The following PCDHA8 variants were observed in gnomAD, a reference collection of about 807,000 sequenced individuals.
The protein encoded by PCDHA8 is protocadherin alpha-8.
A neutral mutation model predicts 61.8 loss-of-function variants in PCDHA8; 53 were observed. The observed-to-expected ratio is 0.86, with a 90% confidence interval of 0.69 to 1.08. The LOEUF is 1.08. Ranked by LOEUF, PCDHA8 falls within the 50% of genes least tolerant of loss-of-function variation. PCDHA8 has a pLI of 0.00. For missense variants in PCDHA8, 1,293 were observed against 1,245.0 expected, an observed-to-expected ratio of 1.04 and a Z score of -0.58; for synonymous variants, 618 against 556.6, an observed-to-expected ratio of 1.11 and a Z score of -1.55.
chr5:141,000,005 C>T (rs2097888446), intron 3 of PCDHA8, among the ~76,000 whole-genome samples: 1 of 152,024 alleles, frequency 6.6e-6, no homozygotes. Context: ...ATTAGATTGG[C>T]CTCCCCATTG....
intron 1 of PCDHA8, chr5:140,877,334 C>G (rs375199455): frequency 3.1e-6 from 5 of 1,613,884 alleles, no homozygotes; most frequent in African/African-American, 1.3e-5. Flanking sequence ...GCGCACATCC[C>G]GTTCCACGTG....
chr5:140,856,923 T>A (rs1178891192), intron 1 of PCDHA8: 1 of 1,595,300 alleles, frequency 6.3e-7, no homozygotes, highest in Non-Finnish European at 8.6e-7. Flanking sequence ...AGAAGGAAAT[T>A]TTGGATAAAC....
chr5:140,862,480 G>A (rs1293172271), intron 1 of PCDHA8: 1 of 381,094 alleles, frequency 2.6e-6, no homozygotes, highest in East Asian at 7.1e-5. Flanking sequence ...TCTATCCATT[G>A]TTGGTAATCG....
rs939986849 is a variant in PCDHA8, at chr5:140,871,330, G to T, written c.2394+27615G>T. 10 of 1,613,998 alleles carry T rather than the reference G, an allele frequency of 6.2e-6. No homozygotes were observed. Among genetic ancestry groups the T allele is most frequent in the Non-Finnish European group, 8.5e-6 (10 of 1,180,034 alleles). On this transcript the variant is annotated intron_variant, in intron 1 of 3. Transcript: ENST00000531613. The stretch of plus-strand genomic sequence containing the variant: ...GAAGCCCACGCTGGTGTGCTCCCGC[G>T]CGGTGGGGAGCTGGTCATACTCGCA...
At position 140,845,853 on chromosome 5, in the gene PCDHA8, A is replaced by G. The variant is rs2150381879; in HGVS notation, c.2394+2138A>G. 1.3e-5 allele frequency among the ~76,000 whole-genome samples: 2 copies of G among 149,864 alleles called. 1 individual carries two copies. Among genetic ancestry groups the G allele is most frequent in the Non-Finnish European group, 3.0e-5 (2 of 66,956 alleles). ...TACCATTCTTAAGAGAAAAGAAGTT[A>G]GTGATTGCAGAAAGGCAACCTAAAA... On this transcript the variant is annotated intron_variant, in intron 1 of 3. Coordinates refer to ENST00000531613, the MANE Select transcript of PCDHA8 (RefSeq NM_018911.3).
At chr5:140,863,013 C>A (rs1274171221) in intron 1 of PCDHA8, 1 of 552,838 alleles carries the variant, frequency 1.8e-6, no homozygotes, top group Admixed American at 1.9e-5. Flanking sequence ...AGCTATGACG[C>A]CTGGTTGTCG....
intron 1 of PCDHA8, among the ~76,000 whole-genome samples, chr5:140,961,103 A>G (rs531762252): frequency 6.6e-6 from 1 of 152,254 alleles, no homozygotes; most frequent in South Asian, 2.1e-4. Context: ...TTGGTCACCC[A>G]ACCCCCTTGC....
At position 140,842,566 on chromosome 5, in the gene PCDHA8, C is replaced by G. The variant is rs782225990; in HGVS notation, c.1245C>G (p.Arg415=). ...YSLVLDSALD[R]ERVSAYELVV... ...TGGTGCTGGACAGCGCCCTGGACCG[C>G]GAGAGAGTGTCGGCCTATGAGTTGG... is the stretch of plus-strand genomic sequence containing the variant. Residue 415 remains arginine, a synonymous_variant, in exon 1 of 4, where the codon CGC becomes CGG. Coordinates refer to ENST00000531613, the MANE Select transcript of PCDHA8 (RefSeq NM_018911.3). 19 of 1,503,446 alleles carry G rather than the reference C, an allele frequency of 1.3e-5. No homozygotes were observed. Among genetic ancestry groups the G allele is most frequent in the Non-Finnish European group, 1.4e-5 (15 of 1,107,054 alleles). The allele number at this position is 1,503,446 out of a possible 1,614,324, so 93.1% of individuals were successfully genotyped here.
At chr5:140,943,479 TAATA>T (rs1447671932) in intron 1 of PCDHA8, among the ~76,000 whole-genome samples, 1 of 151,960 alleles carries the variant, frequency 6.6e-6, no homozygotes, top group African/African-American at 2.4e-5. Context: ...TACAGTAAAA[TAATA>T]AATAGATGCT....
chr5:140,876,250 A>C (rs782111802), intron 1 of PCDHA8: 1 of 1,614,046 alleles, frequency 6.2e-7, no homozygotes. Context: ...AAACGACACA[A>C]GAGTGATCCA....
At chr5:140,973,728 C>G (rs1193811831) in intron 1 of PCDHA8, among the ~76,000 whole-genome samples, 1 of 152,232 alleles carries the variant, frequency 6.6e-6, no homozygotes, top group African/African-American at 2.4e-5. Context: ...ACATGGGCAT[C>G]TGGTCTAACT....
At chr5:140,982,602 G>A (rs1554244640) in intron 3 of PCDHA8, 39 bp downstream of exon 3, 2 of 1,607,914 alleles carry the variant, frequency 1.2e-6, no homozygotes, top group African/African-American at 2.7e-5. Context: ...CTTGGTTTCT[G>A]GAAAGTGATC....
At chr5:140,850,915 T>G (rs2041875502) in intron 1 of PCDHA8, 1 of 1,529,718 alleles carries the variant, frequency 6.5e-7, no homozygotes. Flanking sequence ...ATTTTATTTA[T>G]TTATATAATT....
intron 1 of PCDHA8, chr5:140,928,069 A>C (rs782427256): frequency 6.2e-7 from 1 of 1,614,180 alleles, no homozygotes; most frequent in Non-Finnish European, 8.5e-7. Context: ...TTCCTTTGAC[A>C]ACTACTACAG....
At chr5:140,929,036 C>T in intron 1 of PCDHA8, 1 of 1,614,178 alleles carries the variant, frequency 6.2e-7, no homozygotes, top group Non-Finnish European at 8.5e-7. Flanking sequence ...GGCTGTTGCG[C>T]TCAGAGCTGC....
At chr5:140,848,383 C>A in intron 1 of PCDHA8, 1 of 1,197,372 alleles carries the variant, frequency 8.4e-7, no homozygotes, top group Non-Finnish European at 1.2e-6. Flanking sequence ...TTCTTTTTCA[C>A]TCTCTCTGTG....
chr5:140,887,385 C>T (rs1015937560), intron 1 of PCDHA8, among the ~76,000 whole-genome samples: 3 of 152,124 alleles, frequency 2.0e-5, no homozygotes, highest in Admixed American at 6.5e-5. Context: ...TGTGAGCCAC[C>T]GCGCCCGGCT....
chr5:140,953,913 G>A (rs2094950683), intron 1 of PCDHA8, among the ~76,000 whole-genome samples: 1 of 152,104 alleles, frequency 6.6e-6, no homozygotes, highest in African/African-American at 2.4e-5. Flanking sequence ...CATCCATTAG[G>A]TATTCTTCCT....
At chr5:140,849,675 C>A (rs2150444772) in intron 1 of PCDHA8, 1 of 1,598,600 alleles carries the variant, frequency 6.3e-7, no homozygotes. Context: ...GCCCCACGTC[C>A]CCTTCAAGCT....
Sources: gnomAD v4.1 joint callset for allele counts (sites outside exome capture counted in the v4.1 genomes callset) on GRCh38, gnomAD v4.1.1 for gene constraint, MANE v1.5 for transcripts, NCBI Gene and HGNC (gene_info 2026-07-23, HGNC 2026-07-21) for gene names.